The following PLAAT1 variants were observed in gnomAD, a reference collection of about 807,000 sequenced individuals.
PLAAT1 encodes phospholipase A and acyltransferase 1.
PLAAT1 carries 13 observed loss-of-function variants against 16.4 expected under a neutral mutation model. That is an observed-to-expected ratio of 0.79 (90% CI 0.52 to 1.26). The LOEUF is 1.26. Among genes scored for constraint, PLAAT1 ranks in the 50% most tolerant of loss-of-function variants. The pLI is 0.00. For missense variants in PLAAT1, 218 were observed against 207.8 expected, an observed-to-expected ratio of 1.05 and a Z score of -0.30; for synonymous variants, 73 against 78.4, an observed-to-expected ratio of 0.93 and a Z score of 0.36.
chr3:193,267,391 T>C (rs988456026), intron 3 of PLAAT1, among the ~76,000 whole-genome samples: 7 of 123,026 alleles, frequency 5.7e-5, no homozygotes, highest in African/African-American at 1.8e-4. Context: ...CTGACAACCA[T>C]TGATTTTTTT....
chr3:193,274,455 T>C (rs1717094274), downstream of PLAAT1, among the ~76,000 whole-genome samples: 1 of 152,200 alleles, frequency 6.6e-6, no homozygotes. Flanking sequence ...CAAGATTATA[T>C]GGAATTAACA....
chr3:193,248,162 T>G (rs1716052215), intron 1 of PLAAT1, among the ~76,000 whole-genome samples: 1 of 152,188 alleles, frequency 6.6e-6, no homozygotes, highest in African/African-American at 2.4e-5. Context: ...TAATAACTTT[T>G]CATATCTTTC....
At chr3:193,246,259 G>A (rs188550034) in intron 1 of PLAAT1, among the ~76,000 whole-genome samples, 12 of 152,250 alleles carry the variant, frequency 7.9e-5, no homozygotes, top group Admixed American at 3.9e-4. Context: ...GTTTTGTAGC[G>A]TGAATGGGTG....
chr3:193,280,361 C>CTGGTAAAAAACTGGTAT (rs1717431915), downstream of PLAAT1, among the ~76,000 whole-genome samples: 1 of 152,068 alleles, frequency 6.6e-6, no homozygotes, highest in South Asian at 2.1e-4. Flanking sequence ...TCCAATTTTT[C>CTGGTAAAAAACTGGTAT]TTAAACCAGT....
chr3:193,241,163 C>T (rs1715716531), upstream of PLAAT1: 2 of 1,188,790 alleles, frequency 1.7e-6, no homozygotes, highest in African/African-American at 1.6e-5. Context: ...CGGGGCCAAG[C>T]GAGGTCTAGC....
chr3:193,263,104 C>A lies in PLAAT1; in HGVS notation c.274C>A (p.Pro92Thr). 2 of 1,614,194 alleles carry A rather than the reference C, an allele frequency of 1.2e-6. No homozygotes were observed. The highest frequency in any genetic ancestry group is 8.5e-7 in the Non-Finnish European group (1 of 1,180,038). ...CAATAAATACGATGAAACGTACCCCCCTCTCCCTGTGGAAGAAATCATAAA... is the reference window on the plus strand; with the variant it reads ...CAATAAATACGATGAAACGTACCCCACTCTCCCTGTGGAAGAAATCATAAA... ...INNKYDETYP[P>T]LPVEEIIKRS... Residue 92 changes from proline to threonine, a missense_variant, in exon 3 of 4, where the codon CCT becomes ACT. Coordinates refer to ENST00000264735, the MANE Select transcript of PLAAT1 (RefSeq NM_020386.5).
At chr3:193,276,849 C>T in intron 2 of PLAAT1, 1 of 1,580,832 alleles carries the variant, frequency 6.3e-7, no homozygotes, top group Non-Finnish European at 8.7e-7. Flanking sequence ...AAACAAATAC[C>T]ATTATTATAT....
chr3:193,271,840 A>G (rs1716991544), downstream of PLAAT1, among the ~76,000 whole-genome samples: 1 of 152,128 alleles, frequency 6.6e-6, no homozygotes, highest in Non-Finnish European at 1.5e-5. Context: ...TTTAGATTTT[A>G]CCCCAGGGCC....
At chr3:193,270,548 A>T in intron 3 of PLAAT1, 56 bp from the exon 4 acceptor site, 1 of 1,541,422 alleles carries the variant, frequency 6.5e-7, no homozygotes, top group Non-Finnish European at 8.8e-7. Flanking sequence ...TTCATTTAGG[A>T]CACAGATGTC....
At chr3:193,274,921 T>C, downstream of PLAAT1, 3 of 1,391,540 alleles carry the variant, frequency 2.2e-6, no homozygotes, top group Middle Eastern at 2.4e-4. Context: ...TCATTGAAAA[T>C]ATACTTTGAA....
At chr3:193,245,531 T>C (rs1164194688) in intron 1 of PLAAT1, among the ~76,000 whole-genome samples, 3 of 152,194 alleles carry the variant, frequency 2.0e-5, no homozygotes, top group Non-Finnish European at 4.4e-5. Context: ...ACGTAATGGC[T>C]TCAGTTCATT....
chr3:193,277,008 AC>A (rs1668861370), intron 2 of PLAAT1, among the ~76,000 whole-genome samples: 1 of 152,186 alleles, frequency 6.6e-6, no homozygotes, highest in South Asian at 2.1e-4. Context: ...AAATGGCAGA[AC>A]CAGAATTCAA....
Position 193,262,538 on chromosome 3 carries a change from A to G in PLAAT1, c.140-432A>G, listed in dbSNP as rs559151543. On this transcript the variant is annotated intron_variant, in intron 2 of 3. Transcript: ENST00000264735. ...AGATACTAGGATGAGCCTACTAATA[A>G]CAGTGTACCCTACAGTATTAATTTG... Among the ~76,000 whole-genome samples the G allele has an allele frequency of 2.6e-5, 4 of 152,186 alleles. No individual in the cohort carries two copies. In the East Asian group the frequency reaches 7.7e-4, roughly 29 times the overall value.
chr3:193,245,200 TTC>T (rs1369859835), intron 1 of PLAAT1, among the ~76,000 whole-genome samples: 4 of 152,168 alleles, frequency 2.6e-5, no homozygotes, highest in African/African-American at 9.7e-5. Context: ...CTTTCCTCAT[TTC>T]TCTCTCTTCC....
intron 1 of PLAAT1, among the ~76,000 whole-genome samples, chr3:193,251,672 G>A (rs1209989276): frequency 1.3e-5 from 2 of 152,174 alleles, no homozygotes; most frequent in African/African-American, 2.4e-5. Context: ...GCTAGGAGTT[G>A]GGTTCCCTTC....
chr3:193,245,302 AC>A (rs1326042737), intron 1 of PLAAT1, among the ~76,000 whole-genome samples: 2 of 152,074 alleles, frequency 1.3e-5, no homozygotes, highest in Non-Finnish European at 2.9e-5. Context: ...TATTTCTCTT[AC>A]GTTTCTGGCT....
intron 1 of PLAAT1, among the ~76,000 whole-genome samples, chr3:193,247,798 A>T (rs58386325): frequency 6.6e-6 from 1 of 152,220 alleles, no homozygotes; most frequent in Non-Finnish European, 1.5e-5. Flanking sequence ...GAAATACTTG[A>T]TAAGATTTCA....
At chr3:193,240,654 C>CGTGTGTGTGTGT (rs370008875), upstream of PLAAT1, among the ~76,000 whole-genome samples, 9,929 of 88,276 alleles carry the variant, frequency 0.11, 766 homozygotes, top group Non-Finnish European at 0.14. Context: ...GGCTATCTGG[C>CGTGTGTGTGTGT]GTGTGTGTGT....
At chr3:193,257,438 A>T (rs78653696) in intron 2 of PLAAT1, among the ~76,000 whole-genome samples, 1,592 of 152,304 alleles carry the variant, frequency 0.01, 55 homozygotes, top group East Asian at 0.072. Context: ...TATTTATTTG[A>T]AAAAGATTAA....
Sources: allele counts gnomAD v4.1 joint callset (sites outside exome capture counted in the v4.1 genomes callset), GRCh38; gene constraint gnomAD v4.1.1; transcripts MANE v1.5; gene names NCBI Gene and HGNC (gene_info 2026-07-23, HGNC 2026-07-21).